The following CHST9 variants were observed in gnomAD, a reference collection of about 807,000 sequenced individuals.
The protein encoded by CHST9 is carbohydrate sulfotransferase 9.
CHST9 carries 41 observed loss-of-function variants against 44.4 expected under a neutral mutation model. The observed-to-expected ratio is 0.92, with a 90% CI of 0.72 to 1.20. The LOEUF is 1.20. CHST9 is among the 50% of genes most tolerant of loss of function. The pLI is 0.00. For synonymous variants in CHST9, 171 were observed against 178.4 expected, an observed-to-expected ratio of 0.96 and a Z score of 0.33; for missense variants, 504 against 516.5, an observed-to-expected ratio of 0.98 and a Z score of 0.23.
In CHST9 at chr18:27,053,255, GA is replaced by G. The variant is rs1420063322; in HGVS notation, c.122-4753del. Reference sequence around the variant, plus strand: ...AGAAGAAGAAGAAGAAGAAGAAGAAGAAGAAGGAGAAGGAGAAGGAGAAGGA... The same window carrying G: ...AGAAGAAGAAGAAGAAGAAGAAGAAGAGAAGGAGAAGGAGAAGGAGAAGGA... On this transcript the variant is annotated intron_variant, in intron 2 of 5. Coordinates refer to ENST00000618847, the MANE Select transcript of CHST9 (RefSeq NM_031422.6). Among the ~76,000 whole-genome samples the G allele has an allele frequency of 2.4e-3, 281 of 115,242 alleles. 6 individuals are homozygous for G. The highest frequency in any genetic ancestry group is 8.8e-3 in the African/African-American group (273 of 30,936). The allele number at this position is 115,242 out of a possible 152,430, so 75.6% of individuals were successfully genotyped here.
intron 2 of CHST9, among the ~76,000 whole-genome samples, chr18:27,105,720 T>C (rs1163523130): frequency 6.6e-6 from 1 of 152,226 alleles, no homozygotes; most frequent in Non-Finnish European, 1.5e-5. Context: ...CTGATGCATG[T>C]GTGATTGTGA....
In CHST9 at chr18:26,917,089, A is replaced by G. The variant is rs781226589; in HGVS notation, c.502T>C (p.Trp168Arg). 4.3e-6 allele frequency: 7 copies of G among 1,613,920 alleles called. No homozygotes were observed. The highest frequency in any genetic ancestry group is 1.7e-5 in the Admixed American group (1 of 59,978). ...TCTTGGGTCTCCTCAGTTTTCTTCC[A>G]TTTATTATCTTTGACTAAACTTTTG... ...LNKSLVKDNK[W>R]KKTEETQEKR... Residue 168 changes from tryptophan to arginine, a missense_variant, in exon 6 of 6, where the codon TGG becomes CGG. Transcript: ENST00000618847.
chr18:27,150,994 G>C lies in CHST9; in HGVS notation c.-96-8089C>G, dbSNP rs184664926. Among the ~76,000 whole-genome samples the C allele has an allele frequency of 4.2e-3, 643 of 152,212 alleles. 4 individuals carry two copies. The highest frequency in any genetic ancestry group is 0.015 in the African/African-American group (624 of 41,538). On this transcript the variant is annotated intron_variant, in intron 1 of 5. Transcript: ENST00000618847. ...TAGTGAAATTAAACTGTGGTATGTAGTTTAATGATATTTAGTCAATTATGG... is the reference window on the plus strand; with the variant it reads ...TAGTGAAATTAAACTGTGGTATGTACTTTAATGATATTTAGTCAATTATGG...
In CHST9 at chr18:27,142,966, G is replaced by T. The variant is rs192372924; in HGVS notation, c.-96-61C>A. 153 of 612,588 alleles carry T rather than the reference G, an allele frequency of 2.5e-4. 1 individual carries two copies. In the East Asian group the frequency reaches 4.2e-3, roughly 17 times the overall value. 37.9% of individuals were successfully genotyped at this position (612,588 alleles called of 1,614,324 possible). ...CTGCTAATATTAATTCTCAAATACG[G>T]CATAAATATTCACTATCTCAACAAG... On this transcript the variant is annotated intron_variant, in intron 1 of 5. Coordinates refer to ENST00000618847, the MANE Select transcript of CHST9 (RefSeq NM_031422.6).
At chr18:27,096,708 T>A (rs760118087) in intron 2 of CHST9, among the ~76,000 whole-genome samples, 1 of 151,988 alleles carries the variant, frequency 6.6e-6, no homozygotes, top group African/African-American at 2.4e-5. Flanking sequence ...CCTGGTCACA[T>A]ACAATCTCCC....
intron 2 of CHST9, among the ~76,000 whole-genome samples, chr18:27,053,162 AAG>A: frequency 6.8e-6 from 1 of 147,070 alleles, no homozygotes; most frequent in African/African-American, 2.5e-5. Context: ...GAAGAAGAAG[AAG>A]AAGAAGAAGA....
At chr18:26,948,889 C>T (rs1472681767) in intron 4 of CHST9, among the ~76,000 whole-genome samples, 6 of 151,946 alleles carry the variant, frequency 3.9e-5, no homozygotes, top group African/African-American at 4.8e-5. Context: ...GTGGGTGAAT[C>T]GTGAGAAGTT....
At chr18:26,974,183 C>A (rs1239847623) in intron 4 of CHST9, among the ~76,000 whole-genome samples, 2 of 152,060 alleles carry the variant, frequency 1.3e-5, no homozygotes, top group Admixed American at 6.5e-5. Context: ...TTTTAAGATC[C>A]AATGCAACTT....
intron 1 of CHST9, among the ~76,000 whole-genome samples, chr18:27,167,254 T>A (rs1048970042): frequency 2.0e-5 from 3 of 151,846 alleles, no homozygotes; most frequent in Non-Finnish European, 4.4e-5. Context: ...TAAAAAGCCA[T>A]CAAGATCCTT....
intron 2 of CHST9, among the ~76,000 whole-genome samples, chr18:27,113,467 G>A (rs947234746): frequency 2.6e-5 from 4 of 152,238 alleles, no homozygotes; most frequent in Non-Finnish European, 5.9e-5. Flanking sequence ...TTAGCAACCT[G>A]ACATGGTCTG....
intron 4 of CHST9, among the ~76,000 whole-genome samples, chr18:27,015,286 T>C (rs566386955): frequency 7.5e-4 from 114 of 151,938 alleles, no homozygotes; most frequent in African/African-American, 2.4e-3. Context: ...AACATACTTT[T>C]TATTTTCCGA....
At chr18:27,086,464 T>C (rs2058013321) in intron 2 of CHST9, among the ~76,000 whole-genome samples, 1 of 152,202 alleles carries the variant, frequency 6.6e-6, no homozygotes, top group African/African-American at 2.4e-5. Flanking sequence ...CCTAATTGAG[T>C]ATTTCCTTTA....
chr18:27,116,695 A>G (rs2058323475), intron 2 of CHST9, among the ~76,000 whole-genome samples: 1 of 152,206 alleles, frequency 6.6e-6, no homozygotes, highest in South Asian at 2.1e-4. Flanking sequence ...AGTTATTGCC[A>G]TTTTAACAAT....
intron 4 of CHST9, chr18:26,952,574 T>C (rs2056264650): frequency 2.5e-6 from 1 of 408,070 alleles, no homozygotes; most frequent in Non-Finnish European, 4.7e-6. Flanking sequence ...TTTTGAACCA[T>C]AGGCTCTAAC....
intron 1 of CHST9, among the ~76,000 whole-genome samples, chr18:27,163,178 T>C (rs1201787621): frequency 6.6e-6 from 1 of 152,172 alleles, no homozygotes; most frequent in Admixed American, 6.5e-5. Flanking sequence ...CTGGAAGTTT[T>C]GTCTCAGAGG....
At chr18:27,083,584 G>A (rs937725568) in intron 2 of CHST9, among the ~76,000 whole-genome samples, 2 of 152,142 alleles carry the variant, frequency 1.3e-5, no homozygotes, top group Non-Finnish European at 2.9e-5. Flanking sequence ...TTTGTCAAAT[G>A]ACCAATTTGC....
At chr18:27,002,147 A>C (rs1436156751) in intron 4 of CHST9, among the ~76,000 whole-genome samples, 6 of 151,994 alleles carry the variant, frequency 3.9e-5, no homozygotes. Context: ...CTTGAGAAAC[A>C]ATGTAAGTGA....
At chr18:26,975,376 A>G (rs185990110) in intron 4 of CHST9, among the ~76,000 whole-genome samples, 2 of 152,164 alleles carry the variant, frequency 1.3e-5, no homozygotes, top group African/African-American at 4.8e-5. Context: ...TACATCACCC[A>G]AATAATGTAC....
At chr18:27,072,883 C>CT (rs2057856571) in intron 2 of CHST9, among the ~76,000 whole-genome samples, 1 of 152,126 alleles carries the variant, frequency 6.6e-6, no homozygotes, top group Non-Finnish European at 1.5e-5. Context: ...ATCCTTGCAA[C>CT]TCAAAGTATG....
Sources: gnomAD v4.1 joint callset for allele counts (sites outside exome capture counted in the v4.1 genomes callset) on GRCh38, gnomAD v4.1.1 for gene constraint, MANE v1.5 for transcripts, NCBI Gene and HGNC (gene_info 2026-07-23, HGNC 2026-07-21) for gene names.